Variants in WTAP observed in about 807,000 individuals in gnomAD.
WTAP encodes the protein WT1 associated protein.
In WTAP, 8 loss-of-function variants were observed where a neutral mutation model predicts 50.0. The ratio of observed to expected loss-of-function variants is 0.16; its 90% CI spans 0.09 to 0.29. The LOEUF (loss-of-function observed/expected upper bound fraction) is 0.29. Ranked by LOEUF, WTAP falls within the 10% of genes least tolerant of loss-of-function variation. WTAP has a pLI of 1.00. For synonymous variants in WTAP, 194 were observed against 169.0 expected (o/e 1.15, Z -1.15); for missense variants, 295 against 470.7 (o/e 0.63, Z 3.45).
rs1779963401 is a variant in WTAP at position 159,755,377 on chromosome 6, G to A, written c.957G>A (p.Glu319=). ...NGNKSSNSSE[E]RTGRGGSGYV... ...ATAAGTCCTCCAACAGCTCAGAGGA[G>A]AGAACTGGCAGAGGAGGTAGTGGTT... The change falls in exon 8 of 8, where the codon GAG becomes GAA. Residue 319 remains glutamate, a synonymous_variant. Transcript: ENST00000621533. 1.1e-5 allele frequency: 18 copies of A among 1,614,232 alleles called. No individual in the cohort carries two copies. The highest frequency in any genetic ancestry group is 1.5e-5 in the Non-Finnish European group (18 of 1,180,050).
At chr6:159,727,324 C>A (rs1778232237), upstream of WTAP, 1 of 1,265,810 alleles carries the variant, frequency 7.9e-7, no homozygotes, top group Non-Finnish European at 1.0e-6. Flanking sequence ...GCCTGAAAGG[C>A]GACTCTCCTG....
intron 1 of WTAP, among the ~76,000 whole-genome samples, chr6:159,730,601 C>T (rs568378545): frequency 9.9e-5 from 15 of 152,224 alleles, no homozygotes; most frequent in African/African-American, 3.6e-4. Flanking sequence ...TGCCAGATGG[C>T]GCATTTAACT....
chr6:159,754,848 C>T (rs1240268577), intron 7 of WTAP, among the ~76,000 whole-genome samples, 180 bp from the exon 8 acceptor site: 1 of 152,062 alleles, frequency 6.6e-6, no homozygotes, highest in Non-Finnish European at 1.5e-5. Context: ...CTGACTTCCC[C>T]CAAAACAAAC....
chr6:159,732,027 C>T (rs972441655), intron 1 of WTAP, among the ~76,000 whole-genome samples: 5 of 152,154 alleles, frequency 3.3e-5, no homozygotes, highest in African/African-American at 9.6e-5. Flanking sequence ...AACCACATAC[C>T]GATGATCCTT....
rs771709820 is a variant in WTAP, at chr6:159,755,598, G to A, written c.1178G>A (p.Gly393Asp). Reference protein sequence around the residue: ...NGLDSSVNVQGSVL With the variant: ...NGLDSSVNVQDSVL The stretch of plus-strand genomic sequence containing the variant: ...TTGGACTCAAGTGTAAATGTACAGG[G>A]TTCAGTTTTGTAATATTTTTTCAGC... Residue 393 changes from glycine to aspartate, a missense_variant, in exon 8 of 8, where the codon GGT (glycine) becomes GAT (aspartate). Coordinates refer to ENST00000621533, the MANE Select transcript of WTAP (RefSeq NM_001270531.2). The A allele has an allele frequency of 1.4e-5, 23 of 1,599,986 alleles. No homozygotes were observed. The South Asian group carries it at 2.5e-4, about 17-fold the overall frequency.
rs995289393 is a variant in WTAP at position 159,755,938 on chromosome 6, A to T, written c.*327A>T. ...TTTTTCCTTAAAATACAACACAATGATGTCTGTATAAATCTGTCTGTTTAG... is the reference window on the plus strand; with the variant it reads ...TTTTTCCTTAAAATACAACACAATGTTGTCTGTATAAATCTGTCTGTTTAG... On this transcript the variant is annotated 3_prime_UTR_variant, in exon 8 of 8. Transcript: ENST00000621533. 2.9e-4 allele frequency: 70 copies of T among 242,246 alleles called. No homozygotes were observed. The highest frequency in any genetic ancestry group is 5.1e-4 in the Non-Finnish European group (65 of 128,026). 15.0% of individuals were successfully genotyped at this position (242,246 alleles called of 1,614,324 possible).
In WTAP at chr6:159,736,245, C is replaced by CT. The variant is rs750355245; in HGVS notation, c.-8-3dup. 17,525 of 1,162,000 alleles carry CT rather than the reference C, an allele frequency of 0.015. No individual in the cohort carries two copies. Among genetic ancestry groups the CT allele is most frequent in the South Asian group, 0.033 (2,017 of 60,334 alleles). The allele number at this position is 1,162,000 out of a possible 1,614,324, so 72.0% of individuals were successfully genotyped here. On this transcript the variant is annotated splice_polypyrimidine_tract_variant and intron_variant, in intron 1 of 7. Transcript: ENST00000621533. ...AATAAATTGAACTTGTTTTCCGCAACTTTTTTTTTTAGGATTCAAGATGAC... is the reference window on the plus strand; with the variant it reads ...AATAAATTGAACTTGTTTTCCGCAACTTTTTTTTTTTAGGATTCAAGATGAC...
intron 6 of WTAP, among the ~76,000 whole-genome samples, chr6:159,752,577 G>A (rs1779861207): frequency 6.6e-6 from 1 of 152,130 alleles, no homozygotes; most frequent in East Asian, 1.9e-4. Flanking sequence ...GCAGATATTT[G>A]CGTGTTTGAA....
At chr6:159,731,140 CA>C (rs892276964) in intron 1 of WTAP, among the ~76,000 whole-genome samples, 1 of 149,954 alleles carries the variant, frequency 6.7e-6, no homozygotes, top group Non-Finnish European at 1.5e-5. Flanking sequence ...GACTACGTCT[CA>C]AAAAAAAGAA....
chr6:159,749,887 A>C (rs936380818), intron 6 of WTAP, among the ~76,000 whole-genome samples: 6 of 152,190 alleles, frequency 3.9e-5, no homozygotes, highest in African/African-American at 1.4e-4. Context: ...CACCAATTCA[A>C]ATTTTCGCTT....
chr6:159,736,372 T>A (rs1171758669), intron 2 of WTAP, 77 bp downstream of exon 2: 2 of 1,152,564 alleles, frequency 1.7e-6, no homozygotes, highest in Admixed American at 2.0e-5. Context: ...TAAAAAAAAA[T>A]AGACTTGAAG....
chr6:159,751,223 A>G (rs747826062), intron 6 of WTAP, among the ~76,000 whole-genome samples: 81 of 152,354 alleles, frequency 5.3e-4, no homozygotes, highest in Middle Eastern at 3.4e-3. Flanking sequence ...TGATATGACT[A>G]TCTTAGCTTA....
intron 6 of WTAP, among the ~76,000 whole-genome samples, chr6:159,751,813 A>G (rs1424907501): frequency 6.6e-6 from 1 of 152,188 alleles, no homozygotes. Context: ...TGTAATCCCA[A>G]CACTTTGGAA....
Position 159,748,417 on chromosome 6 carries a change from A to G in WTAP, c.452+48A>G, listed in dbSNP as rs368579812. On this transcript the variant is annotated intron_variant, in intron 6 of 7. Coordinates refer to ENST00000621533, the MANE Select transcript of WTAP (RefSeq NM_001270531.2). This position sits in a 1 kb window ranked among gnomAD's most constrained non-coding sequence, Gnocchi z 5.6. Reference sequence around the variant, plus strand: ...TCAAGACTTCCCTGACAGTCCCACTACGAGAAAGCTGTGGTGGGACAGCCA... The same window carrying G: ...TCAAGACTTCCCTGACAGTCCCACTGCGAGAAAGCTGTGGTGGGACAGCCA... 638 of 1,602,554 alleles carry G rather than the reference A, an allele frequency of 4.0e-4. 1 individual carries two copies. The highest frequency in any genetic ancestry group is 4.5e-4 in the Non-Finnish European group (526 of 1,172,570).
intron 1 of WTAP, among the ~76,000 whole-genome samples, chr6:159,732,551 T>C (rs952624414): frequency 2.0e-5 from 3 of 152,334 alleles, no homozygotes; most frequent in East Asian, 1.9e-4. Context: ...AAAAATATTA[T>C]TGGCCGGGCG....
intron 1 of WTAP, among the ~76,000 whole-genome samples, chr6:159,729,251 A>T (rs989832417): frequency 6.6e-6 from 1 of 152,172 alleles, no homozygotes; most frequent in African/African-American, 2.4e-5. Flanking sequence ...ATTGTACGTT[A>T]GTTAGTAGGT....
upstream of WTAP, chr6:159,726,938 A>AAGCATCACGGATG (rs772578477): frequency 7.0e-6 from 9 of 1,288,508 alleles, no homozygotes; most frequent in South Asian, 2.5e-5. Flanking sequence ...CGACACGCGG[A>AAGCATCACGGATG]AGCATCACGG....
chr6:159,735,748 C>CA (rs111751177), intron 1 of WTAP, among the ~76,000 whole-genome samples: 1 of 150,422 alleles, frequency 6.6e-6, no homozygotes, highest in South Asian at 2.1e-4. Flanking sequence ...GACTGTGTCT[C>CA]AAAAAAAATA....
At chr6:159,728,099 AAAG>A (rs1778325535) in intron 1 of WTAP, among the ~76,000 whole-genome samples, 1 of 152,256 alleles carries the variant, frequency 6.6e-6, no homozygotes, top group Admixed American at 6.5e-5. Flanking sequence ...GCAAGGAAAA[AAAG>A]AAACATTCGT....
Sources: gnomAD v4.1 joint callset for allele counts (sites outside exome capture counted in the v4.1 genomes callset) on GRCh38, gnomAD v4.1.1 for gene constraint, Gnocchi (gnomAD v3.1) non-coding constraint, MANE v1.5 for transcripts, NCBI Gene and HGNC (gene_info 2026-07-23, HGNC 2026-07-21) for gene names.